Variants in IQCM observed in about 807,000 individuals in gnomAD.
IQCM encodes IQ motif containing M.
In IQCM, 45 loss-of-function variants were observed where a neutral mutation model predicts 57.6. The ratio of observed to expected loss-of-function variants is 0.78; its 90% CI spans 0.62 to 1.00. The LOEUF is 1.00. IQCM is among the 50% of genes least tolerant of loss of function. The probability of loss-of-function intolerance (pLI) is 0.00; values close to 1 mark genes in which losing one functional copy is unlikely to be tolerated. For missense variants in IQCM, 468 were observed against 511.6 expected, an observed-to-expected ratio of 0.91 and a Z score of 0.82; for synonymous variants, 148 against 158.9, an observed-to-expected ratio of 0.93 and a Z score of 0.51.
At chr4:149,574,911 T>C (rs897354761) in intron 9 of IQCM, among the ~76,000 whole-genome samples, 1 of 151,888 alleles carries the variant, frequency 6.6e-6, no homozygotes, top group Admixed American at 6.6e-5. Context: ...CCAGATCAGG[T>C]TGCCAAGTTC....
At chr4:149,548,664 T>A in intron 11 of IQCM, 75 bp from the exon 12 acceptor site, 2 of 705,200 alleles carry the variant, frequency 2.8e-6, no homozygotes, top group Non-Finnish European at 3.9e-6. Flanking sequence ...TCTAGCTTTA[T>A]TTTCCTGTCT....
chr4:149,660,013 G>A (rs191896336), intron 7 of IQCM, among the ~76,000 whole-genome samples: 27,847 of 150,020 alleles, frequency 0.19, 2,955 homozygotes, highest in South Asian at 0.32. Flanking sequence ...CTTCTGCACA[G>A]CAAAAGAAAC....
chr4:149,731,166 G>T (rs557178992), intron 5 of IQCM, among the ~76,000 whole-genome samples: 1 of 152,280 alleles, frequency 6.6e-6, no homozygotes, highest in South Asian at 2.1e-4. Context: ...TGGAACCTAA[G>T]ATCCAATGTG....
intron 12 of IQCM, among the ~76,000 whole-genome samples, chr4:149,445,740 A>T (rs1377429573): frequency 6.6e-6 from 1 of 151,710 alleles, no homozygotes; most frequent in Non-Finnish European, 1.5e-5. Flanking sequence ...ATTTACCCTA[A>T]AATTTGGGAT....
At chr4:149,467,372 A>G (rs1738963630) in intron 12 of IQCM, among the ~76,000 whole-genome samples, 1 of 152,204 alleles carries the variant, frequency 6.6e-6, no homozygotes, top group Non-Finnish European at 1.5e-5. Context: ...CGTAATAACA[A>G]CAAATATGTA....
chr4:149,798,809 T>C (rs1427262830), intron 2 of IQCM, among the ~76,000 whole-genome samples: 3 of 151,870 alleles, frequency 2.0e-5, no homozygotes, highest in Non-Finnish European at 4.4e-5. Flanking sequence ...ATGTATCTAA[T>C]ACTTTAGCAT....
chr4:149,398,233 G>T (rs1732368084), intron 13 of IQCM, among the ~76,000 whole-genome samples: 1 of 151,810 alleles, frequency 6.6e-6, no homozygotes, highest in African/African-American at 2.4e-5. Flanking sequence ...TGCTCCATTT[G>T]TTTATACGTC....
At chr4:149,591,014 C>T (rs1157834956) in intron 8 of IQCM, among the ~76,000 whole-genome samples, 1 of 151,948 alleles carries the variant, frequency 6.6e-6, no homozygotes, top group Non-Finnish European at 1.5e-5. Flanking sequence ...AAACACTTGG[C>T]TGAATATGTA....
intron 12 of IQCM, among the ~76,000 whole-genome samples, chr4:149,535,310 C>G (rs1481731090): frequency 6.6e-6 from 1 of 151,956 alleles, no homozygotes; most frequent in Non-Finnish European, 1.5e-5. Flanking sequence ...AGCTTGTATT[C>G]AAGAATTTAC....
chr4:149,589,280 A>G (rs1752911114), intron 8 of IQCM, among the ~76,000 whole-genome samples: 1 of 152,038 alleles, frequency 6.6e-6, no homozygotes, highest in Non-Finnish European at 1.5e-5. Context: ...CTAAGAAGTC[A>G]GTAACAAAAA....
rs187972928 is a variant in IQCM, at chr4:149,619,293, G to A, written c.681+1836C>T. ...AAGTGGGAGCTAAACTATGGGTAGC[G>A]ATGGTCATCCAATAGACACTGGAGA... On this transcript the variant is annotated intron_variant, in intron 8 of 13. Transcript: ENST00000636793. Among the ~76,000 whole-genome samples, 354 of 152,040 alleles carry A rather than the reference G, an allele frequency of 2.3e-3. 1 individual carries two copies. The highest frequency in any genetic ancestry group is 3.6e-3 in the Non-Finnish European group (244 of 67,966).
At chr4:149,504,285 C>G (rs1743559930) in intron 12 of IQCM, among the ~76,000 whole-genome samples, 1 of 152,124 alleles carries the variant, frequency 6.6e-6, no homozygotes, top group African/African-American at 2.4e-5. Context: ...TTAAACAATT[C>G]TATGTTAAAA....
chr4:149,568,555 G>A lies in IQCM; in HGVS notation c.750-4665C>T, dbSNP rs115406051. The stretch of plus-strand genomic sequence containing the variant: ...TTATCCCACCACTTAGGGAGGCTGC[G>A]GCAGGTGGATCATTTGAATCCAGGA... On this transcript the variant is annotated intron_variant, in intron 9 of 13. Coordinates refer to ENST00000636793, the MANE Select transcript of IQCM (RefSeq NM_001363507.2). Among the ~76,000 whole-genome samples, 815 of 152,166 alleles carry A rather than the reference G, an allele frequency of 5.4e-3. 8 individuals carry two copies. The highest frequency in any genetic ancestry group is 0.019 in the African/African-American group (777 of 41,530).
chr4:149,814,698 A>T (rs1774893794), intron 2 of IQCM, among the ~76,000 whole-genome samples: 1 of 151,986 alleles, frequency 6.6e-6, no homozygotes, highest in Non-Finnish European at 1.5e-5. Flanking sequence ...ATTAACAGTT[A>T]AGATTAATTT....
At chr4:149,444,082 AGCCAGACAT>A (rs1736252324) in intron 12 of IQCM, among the ~76,000 whole-genome samples, 1 of 151,856 alleles carries the variant, frequency 6.6e-6, no homozygotes, top group South Asian at 2.1e-4. Context: ...ATAGTATTTT[AGCCAGACAT>A]ATTGCTGCCT....
intron 12 of IQCM, 130 bp downstream of exon 12, chr4:149,548,325 C>A: frequency 1.4e-6 from 1 of 694,030 alleles, no homozygotes; most frequent in Non-Finnish European, 2.0e-6. Flanking sequence ...AAAGCACTTA[C>A]ACAAAAAGTT....
chr4:149,427,554 C>G (rs757932554), intron 13 of IQCM, among the ~76,000 whole-genome samples: 1 of 151,948 alleles, frequency 6.6e-6, no homozygotes, highest in Non-Finnish European at 1.5e-5. Flanking sequence ...AGAACACAAC[C>G]ATTTCACTAA....
chr4:149,654,030 T>A (rs554644506), intron 7 of IQCM, among the ~76,000 whole-genome samples: 2 of 152,336 alleles, frequency 1.3e-5, no homozygotes, highest in East Asian at 3.9e-4. Flanking sequence ...GGAGGTGCTT[T>A]ACATATGTTA....
chr4:149,715,167 T>A (rs1035192161), intron 5 of IQCM, among the ~76,000 whole-genome samples: 2 of 152,214 alleles, frequency 1.3e-5, no homozygotes, highest in Non-Finnish European at 2.9e-5. Flanking sequence ...TGGGGCCTGC[T>A]GTGCTAAGTC....
Sources: gnomAD v4.1 joint callset for allele counts (sites outside exome capture counted in the v4.1 genomes callset) on GRCh38, gnomAD v4.1.1 for gene constraint, MANE v1.5 for transcripts, NCBI Gene and HGNC (gene_info 2026-07-23, HGNC 2026-07-21) for gene names.